Variants in CNTNAP5 observed in about 807,000 individuals in gnomAD.
CNTNAP5 encodes the protein contactin-associated protein-like 5.
In CNTNAP5, 72 loss-of-function variants were observed where a neutral mutation model predicts 150.2. The ratio of observed to expected loss-of-function variants is 0.48; its 90% CI spans 0.40 to 0.58. CNTNAP5 has a LOEUF of 0.58. CNTNAP5 is among the 20% of genes least tolerant of loss of function. CNTNAP5 has a pLI of 0.00. For synonymous variants in CNTNAP5, 672 were observed against 619.8 expected, an observed-to-expected ratio of 1.08 and a Z score of -1.25; for missense variants, 1,636 against 1,626.2, an observed-to-expected ratio of 1.01 and a Z score of -0.10.
At chr2:124,154,289 C>T (rs1684474662) in intron 1 of CNTNAP5, among the ~76,000 whole-genome samples, 1 of 151,982 alleles carries the variant, frequency 6.6e-6, no homozygotes, top group African/African-American at 2.4e-5. Context: ...GACCCTAAGA[C>T]AGGAATTCAA....
At chr2:124,034,785 C>T (rs1681164661) in intron 1 of CNTNAP5, among the ~76,000 whole-genome samples, 1 of 152,176 alleles carries the variant, frequency 6.6e-6, no homozygotes, top group Non-Finnish European at 1.5e-5. Flanking sequence ...ATGTTCTCAG[C>T]TCCCTAAGAC....
At chr2:124,073,764 T>C (rs996567326) in intron 1 of CNTNAP5, among the ~76,000 whole-genome samples, 7 of 152,092 alleles carry the variant, frequency 4.6e-5, no homozygotes, top group African/African-American at 1.7e-4. Context: ...ACAACCACTA[T>C]GGAGAAGGTT....
rs527272179 is a variant in CNTNAP5, at chr2:124,276,921, G to A, written c.381+34528G>A. On this transcript the variant is annotated intron_variant, in intron 3 of 23. Transcript: ENST00000682447. ...TTAAGAGAGGAGACATGGATTCCAT[G>A]ACAAGAACAAGAAGCCACAGAAAAA... Among the ~76,000 whole-genome samples, 6 of 152,204 alleles carry A rather than the reference G, an allele frequency of 3.9e-5. No individual in the cohort carries two copies. The South Asian group carries it at 1.2e-3, about 32-fold the overall frequency.
rs182928669 is a variant in CNTNAP5, at chr2:124,366,085, G to A, written c.382-51358G>A. On this transcript the variant is annotated intron_variant, in intron 3 of 23. Coordinates refer to ENST00000682447, the MANE Select transcript of CNTNAP5 (RefSeq NM_001367498.1). ...GAGATAGTCTATACAGTGGGGACTAGCACAGGTAGGGTGAGACCACACATT... is the reference window on the plus strand; with the variant it reads ...GAGATAGTCTATACAGTGGGGACTAACACAGGTAGGGTGAGACCACACATT... 2.0e-3 allele frequency among the ~76,000 whole-genome samples: 308 copies of A among 152,238 alleles called. 2 individuals carry two copies. The highest frequency in any genetic ancestry group is 7.1e-3 in the African/African-American group (294 of 41,554).
chr2:124,755,890 G>C (rs747559763), intron 14 of CNTNAP5, among the ~76,000 whole-genome samples: 12 of 152,220 alleles, frequency 7.9e-5, no homozygotes, highest in East Asian at 5.8e-4. Context: ...TTATGTAATG[G>C]AAAGAACAAA....
chr2:124,495,043 A>T (rs1573412881), intron 7 of CNTNAP5, among the ~76,000 whole-genome samples: 1 of 152,162 alleles, frequency 6.6e-6, no homozygotes, highest in Non-Finnish European at 1.5e-5. Flanking sequence ...TCCTATGCCT[A>T]CATATTTATA....
chr2:124,773,737 TG>T (rs1681256021), intron 17 of CNTNAP5, among the ~76,000 whole-genome samples: 1 of 152,100 alleles, frequency 6.6e-6, no homozygotes, highest in Non-Finnish European at 1.5e-5. Context: ...GCACTACCAC[TG>T]CTTTTCAAGG....
chr2:124,746,507 T>C (rs1186807687), intron 13 of CNTNAP5, among the ~76,000 whole-genome samples: 4 of 152,190 alleles, frequency 2.6e-5, no homozygotes, highest in Non-Finnish European at 4.4e-5. Context: ...TGCTTTTATT[T>C]TTTTTCCCCC....
chr2:124,604,524 G>A (rs140574470), intron 11 of CNTNAP5, among the ~76,000 whole-genome samples: 4 of 152,288 alleles, frequency 2.6e-5, no homozygotes, highest in African/African-American at 9.6e-5. Flanking sequence ...ATGAATTAAA[G>A]TGAAAGCATC....
chr2:124,796,306 T>C (rs2104639848), intron 18 of CNTNAP5, among the ~76,000 whole-genome samples: 1 of 152,320 alleles, frequency 6.6e-6, no homozygotes, highest in East Asian at 1.9e-4. Flanking sequence ...ATGCTCTGAA[T>C]TTTACTTCCA....
intron 11 of CNTNAP5, among the ~76,000 whole-genome samples, chr2:124,572,271 T>G (rs1696182203): frequency 6.6e-6 from 1 of 151,824 alleles, no homozygotes; most frequent in Non-Finnish European, 1.5e-5. Context: ...TGTGAGAAAG[T>G]CTTCTTAAAA....
At chr2:124,419,896 T>TTCTCTTTCTTTC (rs1553466616) in intron 4 of CNTNAP5, among the ~76,000 whole-genome samples, 4 of 85,198 alleles carry the variant, frequency 4.7e-5, no homozygotes, top group Admixed American at 3.9e-4. Flanking sequence ...ACTGGATTGG[T>TTCTCTTTCTTTC]TTTCTTTCTT....
chr2:124,686,891 C>T (rs1247338309), intron 13 of CNTNAP5, among the ~76,000 whole-genome samples: 1 of 152,040 alleles, frequency 6.6e-6, no homozygotes, highest in African/African-American at 2.4e-5. Context: ...TTAAAAATCC[C>T]AAGTAAATTC....
intron 3 of CNTNAP5, among the ~76,000 whole-genome samples, chr2:124,343,934 A>G (rs1329849012): frequency 6.6e-6 from 1 of 152,202 alleles, no homozygotes; most frequent in Admixed American, 6.5e-5. Context: ...CGAAGAGGCC[A>G]AACCTGTGAG....
In CNTNAP5 at chr2:124,500,435, G is replaced by A. The variant is rs139391056; in HGVS notation, c.1063-3857G>A. On this transcript the variant is annotated intron_variant, in intron 7 of 23. Transcript: ENST00000682447. The stretch of plus-strand genomic sequence containing the variant: ...TAGCCAAGGAGTAGGGTGGGGGTCA[G>A]GGAATGGAAAATTACTTAGAGGTAG... Among the ~76,000 whole-genome samples, 873 of 152,282 alleles carry A rather than the reference G, an allele frequency of 5.7e-3. 6 individuals carry two copies. Among genetic ancestry groups the A allele is most frequent in the Non-Finnish European group, 9.5e-3 (646 of 68,016 alleles).
chr2:124,296,814 A>G (rs1176034716), intron 3 of CNTNAP5, among the ~76,000 whole-genome samples: 2 of 152,202 alleles, frequency 1.3e-5, no homozygotes, highest in Non-Finnish European at 2.9e-5. Flanking sequence ...GCAAAAATAG[A>G]ACAGGAAAAG....
At chr2:124,526,832 A>T (rs1694978905) in intron 9 of CNTNAP5, among the ~76,000 whole-genome samples, 1 of 152,108 alleles carries the variant, frequency 6.6e-6, no homozygotes. Context: ...TAACCAGACA[A>T]TTACTCTGCT....
chr2:124,291,624 GA>G (rs1203178434), intron 3 of CNTNAP5, among the ~76,000 whole-genome samples: 3 of 151,602 alleles, frequency 2.0e-5, no homozygotes, highest in Non-Finnish European at 2.9e-5. Flanking sequence ...TTCCTAAGGA[GA>G]AAAAAATGCT....
chr2:124,835,816 A>G (rs1375749868), intron 19 of CNTNAP5, among the ~76,000 whole-genome samples: 5 of 152,258 alleles, frequency 3.3e-5, no homozygotes, highest in Non-Finnish European at 7.4e-5. Context: ...TCACGCAGTA[A>G]AGAATGACCA....
Sources: allele counts gnomAD v4.1 joint callset (sites outside exome capture counted in the v4.1 genomes callset), GRCh38; gene constraint gnomAD v4.1.1; transcripts MANE v1.5; gene names NCBI Gene and HGNC (gene_info 2026-07-23, HGNC 2026-07-21).